The following PTPRK variants were observed in gnomAD, a reference collection of about 807,000 sequenced individuals.
PTPRK encodes the protein protein tyrosine phosphatase receptor type K.
PTPRK carries 75 observed loss-of-function variants against 178.0 expected under a neutral mutation model. That is an observed-to-expected ratio of 0.42 (90% CI 0.35 to 0.51). The LOEUF is 0.51. Ranked by LOEUF, PTPRK falls within the 20% of genes least tolerant of loss-of-function variation. The pLI, the probability that PTPRK is intolerant of heterozygous loss-of-function variation, is 0.02. For synonymous variants in PTPRK, 637 were observed against 620.6 expected, an observed-to-expected ratio of 1.03 and a Z score of -0.39; for missense variants, 1,441 against 1,797.8, an observed-to-expected ratio of 0.80 and a Z score of 3.59.
intron 7 of PTPRK, among the ~76,000 whole-genome samples, chr6:128,155,792 C>T (rs1464793829): frequency 6.6e-6 from 1 of 151,802 alleles, no homozygotes; most frequent in Non-Finnish European, 1.5e-5. Flanking sequence ...TTGATACCTT[C>T]CTTATTTTCT....
chr6:128,048,791 G>C (rs746113493), intron 13 of PTPRK, among the ~76,000 whole-genome samples: 14 of 152,142 alleles, frequency 9.2e-5, no homozygotes, highest in Non-Finnish European at 1.9e-4. Context: ...TCAGGGACTT[G>C]AGCATAACTG....
chr6:128,190,483 T>C (rs1041997168), intron 6 of PTPRK, among the ~76,000 whole-genome samples: 3 of 147,744 alleles, frequency 2.0e-5, no homozygotes, highest in African/African-American at 2.5e-5. Flanking sequence ...ATTCAAGTGA[T>C]AGATACCTTT....
At chr6:128,516,044 G>A (rs1472440302) in intron 1 of PTPRK, among the ~76,000 whole-genome samples, 1 of 152,120 alleles carries the variant, frequency 6.6e-6, no homozygotes, top group African/African-American at 2.4e-5. Flanking sequence ...GGGAATGTTG[G>A]CATTAGCTTT....
intron 7 of PTPRK, among the ~76,000 whole-genome samples, chr6:128,092,578 G>A (rs1034453549): frequency 2.0e-5 from 3 of 152,098 alleles, no homozygotes; most frequent in Admixed American, 1.3e-4. Context: ...ATCTATATGT[G>A]TGTATATACA....
chr6:128,079,447 T>C (rs942159320), intron 10 of PTPRK, among the ~76,000 whole-genome samples: 11 of 152,084 alleles, frequency 7.2e-5, no homozygotes, highest in African/African-American at 2.7e-4. Flanking sequence ...TGGTAAATGA[T>C]AATGGACATC....
intron 3 of PTPRK, among the ~76,000 whole-genome samples, chr6:128,294,943 A>AGACG (rs67862603): frequency 8.4e-5 from 1 of 11,876 alleles, no homozygotes; most frequent in Non-Finnish European, 1.4e-4. Context: ...TGAGGAACAA[A>AGACG]GAGTAATTAA....
intron 7 of PTPRK, among the ~76,000 whole-genome samples, chr6:128,106,964 C>T (rs1789822776): frequency 6.6e-6 from 1 of 151,990 alleles, no homozygotes; most frequent in African/African-American, 2.4e-5. Flanking sequence ...GAGGGCCTAA[C>T]AGAGGTACTT....
In PTPRK at chr6:128,323,735, A is replaced by G. The variant is rs530243923; in HGVS notation, c.224-1425T>C. ...GAAGATTTCTGTAACACTTCAGTAT[A>G]ATCGAAGTACAGAATAAACAGATCA... On this transcript the variant is annotated intron_variant, in intron 2 of 29. Transcript: ENST00000368226. Among the ~76,000 whole-genome samples, 14 of 152,294 alleles carry G rather than the reference A, an allele frequency of 9.2e-5. No homozygotes were observed. In the South Asian group the frequency reaches 2.9e-3, roughly 32 times the overall value.
intron 13 of PTPRK, among the ~76,000 whole-genome samples, chr6:128,050,042 A>G (rs1215327383): frequency 6.6e-6 from 1 of 152,168 alleles, no homozygotes; most frequent in African/African-American, 2.4e-5. Flanking sequence ...AGGCCGAGGC[A>G]GGAGAATTGC....
intron 5 of PTPRK, among the ~76,000 whole-genome samples, chr6:128,222,497 A>G (rs1810596099): frequency 6.6e-6 from 1 of 152,196 alleles, no homozygotes; most frequent in Non-Finnish European, 1.5e-5. Context: ...GAATATTCCC[A>G]TTGATCCTCA....
chr6:128,030,892 A>G lies in PTPRK; in HGVS notation c.2195-21624T>C, dbSNP rs530350957. 7.9e-5 allele frequency among the ~76,000 whole-genome samples: 12 copies of G among 152,324 alleles called. 1 individual carries two copies. The East Asian group carries it at 1.9e-3, about 24-fold the overall frequency. ...TGGAAATGGTTACGAACATCTGAGT[A>G]TTGCATGATTGAACCATAGCATTCA... On this transcript the variant is annotated intron_variant, in intron 13 of 29. Coordinates refer to ENST00000368226, the MANE Select transcript of PTPRK (RefSeq NM_002844.4).
chr6:128,125,750 C>T (rs1031175318), intron 7 of PTPRK, among the ~76,000 whole-genome samples: 2 of 151,228 alleles, frequency 1.3e-5, no homozygotes, highest in East Asian at 2.0e-4. Flanking sequence ...GCTGTGATTA[C>T]AGGGATGCAC....
intron 21 of PTPRK, among the ~76,000 whole-genome samples, chr6:127,986,259 T>C (rs1448844014): frequency 6.6e-6 from 1 of 152,184 alleles, no homozygotes; most frequent in African/African-American, 2.4e-5. Context: ...AAGTGGTGTA[T>C]AAAAGCAACT....
chr6:128,517,764 A>G (rs1858304439), intron 1 of PTPRK, among the ~76,000 whole-genome samples: 2 of 152,368 alleles, frequency 1.3e-5, no homozygotes, highest in African/African-American at 4.8e-5. Context: ...ATGATATCGG[A>G]AAGTAAACTG....
chr6:128,140,644 T>A (rs1795646507), intron 7 of PTPRK, among the ~76,000 whole-genome samples: 2 of 152,004 alleles, frequency 1.3e-5, no homozygotes, highest in South Asian at 4.1e-4. Context: ...ATTATCATCA[T>A]CATTGTCGTC....
chr6:128,503,474 C>G (rs766794770), intron 1 of PTPRK, among the ~76,000 whole-genome samples: 7 of 152,162 alleles, frequency 4.6e-5, no homozygotes, highest in Non-Finnish European at 8.8e-5. Flanking sequence ...TCTAGATCTT[C>G]TAAATAGTCT....
chr6:128,064,946 C>T (rs1039145620), intron 12 of PTPRK, 152 bp from the exon 13 acceptor site: 14 of 921,856 alleles, frequency 1.5e-5, no homozygotes, highest in Non-Finnish European at 1.9e-5. Context: ...AAAAAATATG[C>T]CCCCCTAGGG....
chr6:128,235,711 C>T (rs1813122349), intron 5 of PTPRK: 1 of 383,934 alleles, frequency 2.6e-6, no homozygotes, highest in Non-Finnish European at 5.5e-6. Flanking sequence ...TAGTCATCGA[C>T]ATTGTGTGTT....
chr6:128,200,891 A>AGGAGGGAGGGAGGGAG (rs1192559264), intron 6 of PTPRK, among the ~76,000 whole-genome samples: 1 of 43,960 alleles, frequency 2.3e-5, no homozygotes, highest in African/African-American at 1.1e-4. Flanking sequence ...AAGGGAGGGA[A>AGGAGGGAGGGAGGGAG]GGAGGGAGGG....
Sources: gnomAD v4.1 joint callset for allele counts (sites outside exome capture counted in the v4.1 genomes callset) on GRCh38, gnomAD v4.1.1 for gene constraint, MANE v1.5 for transcripts, NCBI Gene and HGNC (gene_info 2026-07-23, HGNC 2026-07-21) for gene names.